SHISA6: variants seen among roughly 807,000 people sequenced by gnomAD.
SHISA6 encodes the protein protein shisa-6.
SHISA6 carries 22 observed loss-of-function variants against 47.9 expected under a neutral mutation model. The observed-to-expected ratio is 0.46, with a 90% CI of 0.33 to 0.66. SHISA6 has a LOEUF of 0.66. SHISA6 is among the 30% of genes least tolerant of loss of function. The pLI is 0.02. For synonymous variants in SHISA6, 388 were observed against 337.8 expected (o/e 1.15, Z -1.63); for missense variants, 680 against 764.6 (o/e 0.89, Z 1.30).
In SHISA6 at chr17:11,241,573, C is replaced by G; in HGVS notation, c.151C>G (p.Leu51Val). The G allele has an allele frequency of 9.0e-7, 1 of 1,116,238 alleles. No homozygotes were observed. Among genetic ancestry groups the G allele is most frequent in the Non-Finnish European group, 1.1e-6 (1 of 916,206 alleles). 69.1% of individuals were successfully genotyped at this position (1,116,238 alleles called of 1,614,324 possible). Residue 51 changes from leucine (L) to valine (V), a missense_variant, in exon 1 of 6, where the codon CTG becomes GTG. Transcript: ENST00000441885. The surrounding 1 kb of genome is among the most constrained non-coding windows in gnomAD (Gnocchi z 5.5). ...CGGGGGCCGGAGGGCCGGGGGCGCC[C>G]TGGCACGGGGCGGCCGCGAGCTGAA... ...AVGGRRAGGA[L>V]ARGGRELNGT...
chr17:11,514,303 C>T (rs1270810999), intron 3 of SHISA6, among the ~76,000 whole-genome samples: 1 of 152,160 alleles, frequency 6.6e-6, no homozygotes, highest in Non-Finnish European at 1.5e-5. Flanking sequence ...ATGTTCAATG[C>T]ATGTATGCTG....
At chr17:11,356,555 C>A (rs1912085722) in intron 2 of SHISA6, among the ~76,000 whole-genome samples, 1 of 152,168 alleles carries the variant, frequency 6.6e-6, no homozygotes, top group Non-Finnish European at 1.5e-5. Flanking sequence ...TGGGAAGCCT[C>A]CTCCCTTGAC....
chr17:11,524,592 G>A (rs1031214992), intron 3 of SHISA6, among the ~76,000 whole-genome samples: 8 of 151,686 alleles, frequency 5.3e-5, no homozygotes, highest in African/African-American at 1.9e-4. Flanking sequence ...TGCCTCCCGG[G>A]TTCAAGCGAT....
At chr17:11,320,012 A>G (rs1398887652) in intron 2 of SHISA6, among the ~76,000 whole-genome samples, 1 of 152,242 alleles carries the variant, frequency 6.6e-6, no homozygotes, top group African/African-American at 2.4e-5. Flanking sequence ...TAGGGTTCTG[A>G]AAATCAGTGG....
At chr17:11,452,313 A>G (rs1024027092) in intron 3 of SHISA6, among the ~76,000 whole-genome samples, 34 of 152,130 alleles carry the variant, frequency 2.2e-4, no homozygotes, top group African/African-American at 7.0e-4. Flanking sequence ...TGTTTCTGGC[A>G]TTTTCAGGAA....
intron 3 of SHISA6, among the ~76,000 whole-genome samples, chr17:11,529,028 T>C (rs1276181616): frequency 6.6e-6 from 1 of 151,626 alleles, no homozygotes; most frequent in African/African-American, 2.4e-5. Flanking sequence ...CCATCTCTAC[T>C]AAAAATACAA....
intron 2 of SHISA6, among the ~76,000 whole-genome samples, chr17:11,317,943 A>G (rs1352544543): frequency 6.6e-6 from 1 of 152,160 alleles, no homozygotes; most frequent in Non-Finnish European, 1.5e-5. Flanking sequence ...TCCCTCAGCC[A>G]TTCTTGGCTT....
chr17:11,445,471 G>A (rs528532391), intron 3 of SHISA6, among the ~76,000 whole-genome samples: 1 of 152,154 alleles, frequency 6.6e-6, no homozygotes, highest in Non-Finnish European at 1.5e-5. Flanking sequence ...AAATATTAAT[G>A]TATTTTAGCA....
intron 3 of SHISA6, among the ~76,000 whole-genome samples, chr17:11,432,470 G>A (rs1429529290): frequency 6.6e-6 from 1 of 152,314 alleles, no homozygotes; most frequent in South Asian, 2.1e-4. Flanking sequence ...TAGGGCCACT[G>A]CATCTGAAAT....
intron 3 of SHISA6, among the ~76,000 whole-genome samples, chr17:11,411,449 T>G (rs1488505024): frequency 6.6e-6 from 1 of 152,006 alleles, no homozygotes; most frequent in Non-Finnish European, 1.5e-5. Context: ...CAGGCTGGAG[T>G]GCAGTGGCGT....
chr17:11,251,092 C>T (rs1907784593), intron 1 of SHISA6, among the ~76,000 whole-genome samples: 1 of 152,146 alleles, frequency 6.6e-6, no homozygotes, highest in Non-Finnish European at 1.5e-5. Flanking sequence ...ATTGCTGGTG[C>T]CCTTCTCTCT....
At chr17:11,435,928 A>G (rs1914924793) in intron 3 of SHISA6, among the ~76,000 whole-genome samples, 4 of 152,208 alleles carry the variant, frequency 2.6e-5, no homozygotes, top group South Asian at 2.1e-4. Context: ...TTTAAAAACA[A>G]CAGAAGGATG....
chr17:11,412,307 A>T (rs1175155378), intron 3 of SHISA6, among the ~76,000 whole-genome samples: 1 of 152,172 alleles, frequency 6.6e-6, no homozygotes, highest in African/African-American at 2.4e-5. Flanking sequence ...CTGTAGTGTT[A>T]AGTAAATAGC....
At chr17:11,515,805 C>G (rs532809888) in intron 3 of SHISA6, among the ~76,000 whole-genome samples, 3 of 152,236 alleles carry the variant, frequency 2.0e-5, no homozygotes, top group Admixed American at 1.3e-4. Flanking sequence ...CCAAGGAGAC[C>G]TGGGCAGGGC....
intron 1 of SHISA6, among the ~76,000 whole-genome samples, chr17:11,246,383 G>A (rs1489102453): frequency 6.6e-6 from 1 of 152,164 alleles, no homozygotes; most frequent in African/African-American, 2.4e-5. Context: ...CCAGCTACTC[G>A]GGAGGCTGAG....
Position 11,366,373 on chromosome 17 carries a change from C to A in SHISA6, c.800-13041C>A, listed in dbSNP as rs533196711. On this transcript the variant is annotated intron_variant, in intron 2 of 5. Coordinates refer to ENST00000441885, the MANE Select transcript of SHISA6 (RefSeq NM_207386.4). ...CAGGCAGGTCTCAAGTGCCTGAGCT[C>A]AAGTGATCTGCTTGCCTTGGCCTCA... is the stretch of plus-strand genomic sequence containing the variant. Among the ~76,000 whole-genome samples the A allele has an allele frequency of 5.0e-4, 76 of 152,296 alleles. No individual in the cohort carries two copies. The South Asian group carries it at 0.015, about 30-fold the overall frequency.
At chr17:11,544,961 CAAAAAA>C (rs374571214) in intron 3 of SHISA6, among the ~76,000 whole-genome samples, 2 of 62,672 alleles carry the variant, frequency 3.2e-5, no homozygotes, top group Non-Finnish European at 6.6e-5. Context: ...ACTCTCTCTC[CAAAAAA>C]AAAAAAAAAA....
chr17:11,505,201 G>A (rs2071489078), intron 3 of SHISA6, among the ~76,000 whole-genome samples: 2 of 152,180 alleles, frequency 1.3e-5, no homozygotes, highest in South Asian at 4.1e-4. Flanking sequence ...TTCCAAAAAG[G>A]AGTTTATAAT....
At chr17:11,372,714 G>T (rs187288474) in intron 2 of SHISA6, among the ~76,000 whole-genome samples, 1 of 152,012 alleles carries the variant, frequency 6.6e-6, no homozygotes, top group African/African-American at 2.4e-5. Context: ...TTGAAAGTGT[G>T]TCACTGGGGT....
Sources: allele counts gnomAD v4.1 joint callset (sites outside exome capture counted in the v4.1 genomes callset), GRCh38; gene constraint gnomAD v4.1.1; non-coding constraint Gnocchi (gnomAD v3.1); transcripts MANE v1.5; gene names NCBI Gene and HGNC (gene_info 2026-07-23, HGNC 2026-07-21).